TRMT9B: variants seen among roughly 807,000 people sequenced by gnomAD.
The protein encoded by TRMT9B is tRNA methyltransferase 9B (putative).
Under a neutral mutation model 11.5 loss-of-function variants are expected in TRMT9B, and 16 were observed. The ratio of observed to expected loss-of-function variants is 1.39; its 90% CI spans 0.94 to 2.11. TRMT9B has a LOEUF of 2.11. Ranked by LOEUF, TRMT9B falls within the 30% of genes most tolerant of loss-of-function variation. The pLI, the probability that TRMT9B is intolerant of heterozygous loss-of-function variation, is 0.00. For missense variants in TRMT9B, 941 were observed against 553.8 expected, an observed-to-expected ratio of 1.70 and a Z score of -7.02; for synonymous variants, 274 against 192.4, an observed-to-expected ratio of 1.42 and a Z score of -3.51.
At chr8:12,976,543 C>T (rs1289298261) in intron 1 of TRMT9B, among the ~76,000 whole-genome samples, 1 of 151,582 alleles carries the variant, frequency 6.6e-6, no homozygotes, top group Non-Finnish European at 1.5e-5. Context: ...AGTTTGAGAC[C>T]AGCCTGGGTA....
At chr8:12,977,487 G>C (rs1804635936) in intron 1 of TRMT9B, among the ~76,000 whole-genome samples, 1 of 152,168 alleles carries the variant, frequency 6.6e-6, no homozygotes, top group Non-Finnish European at 1.5e-5. Flanking sequence ...TGGATCACGA[G>C]GTCGAGAAAT....
At chr8:13,000,527 T>A (rs78199131) in intron 2 of TRMT9B, among the ~76,000 whole-genome samples, 3,745 of 152,296 alleles carry the variant, frequency 0.025, 156 homozygotes, top group African/African-American at 0.086. Flanking sequence ...ATGTCTGGGA[T>A]CTCCTCTTCT....
chr8:13,016,314 A>G (rs1448132560), intron 4 of TRMT9B, among the ~76,000 whole-genome samples: 1 of 144,654 alleles, frequency 6.9e-6, no homozygotes, highest in East Asian at 2.0e-4. Flanking sequence ...GATGAGGCAT[A>G]AGAGAGATAG....
intron 1 of TRMT9B, among the ~76,000 whole-genome samples, chr8:12,967,520 A>G (rs1481965025): frequency 1.3e-5 from 2 of 152,218 alleles, no homozygotes; most frequent in East Asian, 1.9e-4. Context: ...GACATTCTCC[A>G]GTTACCATTT....
rs568432239 is a variant in TRMT9B, at chr8:12,990,779, G to C, written c.-199-55G>C. 33 of 1,158,704 alleles carry C rather than the reference G, an allele frequency of 2.8e-5. No homozygotes were observed. In the South Asian group the frequency reaches 4.2e-4, roughly 15 times the overall value. 71.8% of individuals were successfully genotyped at this position (1,158,704 alleles called of 1,614,324 possible). On this transcript the variant is annotated intron_variant, in intron 1 of 4. Coordinates refer to ENST00000524591, the MANE Select transcript of TRMT9B (RefSeq NM_020844.3). ...AGGAAGTCAGCCTGGGCTGTAGCTGGCTCCATATACATACCATGTGAAATG... is the reference window on the plus strand; with the variant it reads ...AGGAAGTCAGCCTGGGCTGTAGCTGCCTCCATATACATACCATGTGAAATG...
At chr8:13,018,286 C>T (rs1770220560) in intron 4 of TRMT9B, among the ~76,000 whole-genome samples, 1 of 149,692 alleles carries the variant, frequency 6.7e-6, no homozygotes, top group African/African-American at 2.4e-5. Context: ...CCTGTGGTCC[C>T]AGCTACTCAG....
At position 13,004,991 on chromosome 8, in the gene TRMT9B, T is replaced by A. The variant is rs1377363033; in HGVS notation, c.-1-1211T>A. On this transcript the variant is annotated intron_variant, in intron 2 of 4. Coordinates refer to ENST00000524591, the MANE Select transcript of TRMT9B (RefSeq NM_020844.3). ...GGCTCCCAGACAGCACCTCTAGACC[T>A]GCCCACGGCCTGGGGGAACTTGCTA... 3.3e-5 allele frequency among the ~76,000 whole-genome samples: 5 copies of A among 150,678 alleles called. No homozygotes were observed. The East Asian group carries it at 9.7e-4, about 29-fold the overall frequency.
chr8:13,014,183 G>T (rs1263833098), intron 4 of TRMT9B, among the ~76,000 whole-genome samples: 2 of 152,172 alleles, frequency 1.3e-5, no homozygotes, highest in Non-Finnish European at 2.9e-5. Context: ...GGCAAGAGAT[G>T]GTTGCTATGG....
chr8:12,966,340 GATGC>G (rs1341701467), intron 1 of TRMT9B, among the ~76,000 whole-genome samples: 1 of 152,134 alleles, frequency 6.6e-6, no homozygotes, highest in East Asian at 1.9e-4. Context: ...ATTTAGTGTG[GATGC>G]AGACACTTTG....
At chr8:13,002,539 T>C (rs372317104) in intron 2 of TRMT9B, among the ~76,000 whole-genome samples, 14 of 152,238 alleles carry the variant, frequency 9.2e-5, no homozygotes, top group African/African-American at 3.4e-4. Context: ...ATTAGATTTA[T>C]ACTCAGTTAG....
At chr8:12,966,291 G>C (rs1041628963) in intron 1 of TRMT9B, among the ~76,000 whole-genome samples, 1 of 152,102 alleles carries the variant, frequency 6.6e-6, no homozygotes, top group Admixed American at 6.6e-5. Context: ...GGGTGTGGGC[G>C]GGGGGAAGAA....
At chr8:13,009,380 G>A (rs1022187479) in intron 3 of TRMT9B, among the ~76,000 whole-genome samples, 2 of 152,062 alleles carry the variant, frequency 1.3e-5, no homozygotes, top group Non-Finnish European at 2.9e-5. Context: ...AGAAAAATAG[G>A]GAAAGGATGT....
At chr8:13,011,611 G>A (rs1298229467) in intron 3 of TRMT9B, 3 of 950,632 alleles carry the variant, frequency 3.2e-6, no homozygotes, top group Non-Finnish European at 3.7e-6. Flanking sequence ...GTTTCAAGGT[G>A]GTTTATTCAT....
chr8:12,945,801 A>C lies in TRMT9B; in HGVS notation c.-365A>C, dbSNP rs576575766. ...TTGTGTTTTTTGTTAGTTTGTTTTG[A>C]ATTTTTTTTCTTGATGCATATGTTC... On this transcript the variant is annotated 5_prime_UTR_variant, in exon 1 of 5. It removes the in-frame stop codon of an upstream open reading frame in the 5' UTR. Coordinates refer to ENST00000524591, the MANE Select transcript of TRMT9B (RefSeq NM_020844.3). 7.3e-5 allele frequency: 11 copies of C among 150,772 alleles called. No homozygotes were observed. Among genetic ancestry groups the C allele is most frequent in the African/African-American group, 2.7e-4 (11 of 41,052 alleles). 9.3% of individuals were successfully genotyped at this position (150,772 alleles called of 1,614,324 possible). A position where few individuals can be genotyped will look rare whatever the true frequency, so the allele number is the denominator to read the frequency against.
At chr8:12,976,489 C>G (rs1425756932) in intron 1 of TRMT9B, among the ~76,000 whole-genome samples, 1 of 151,796 alleles carries the variant, frequency 6.6e-6, no homozygotes, top group Non-Finnish European at 1.5e-5. Flanking sequence ...CCTATAATCT[C>G]AGCACTTTGG....
chr8:13,001,502 C>A (rs1802453874), intron 2 of TRMT9B, among the ~76,000 whole-genome samples: 1 of 152,288 alleles, frequency 6.6e-6, no homozygotes, highest in Middle Eastern at 3.4e-3. Context: ...ACATACTTCA[C>A]TAAAACTACA....
At chr8:12,990,138 G>C (rs1179861369) in intron 1 of TRMT9B, among the ~76,000 whole-genome samples, 1 of 152,168 alleles carries the variant, frequency 6.6e-6, no homozygotes, top group African/African-American at 2.4e-5. Context: ...GAACACACAA[G>C]TGATAAGGAA....
intron 3 of TRMT9B, chr8:13,011,785 T>A: frequency 1.0e-6 from 1 of 953,676 alleles, no homozygotes; most frequent in Non-Finnish European, 1.2e-6. Context: ...AGTTGTATAC[T>A]GGACCCATAG....
At chr8:12,976,172 G>A (rs558009513) in intron 1 of TRMT9B, among the ~76,000 whole-genome samples, 1 of 152,164 alleles carries the variant, frequency 6.6e-6, no homozygotes, top group East Asian at 1.9e-4. Context: ...CTGAGCTCCT[G>A]CTGCCACCCT....
Sources: allele counts gnomAD v4.1 joint callset (sites outside exome capture counted in the v4.1 genomes callset), GRCh38; gene constraint gnomAD v4.1.1; transcripts MANE v1.5; gene names NCBI Gene and HGNC (gene_info 2026-07-23, HGNC 2026-07-21).